The following MFSD6 variants were observed in gnomAD, a reference collection of about 807,000 sequenced individuals.
The protein encoded by MFSD6 is major facilitator superfamily domain-containing protein 6.
Under a neutral mutation model 56.3 loss-of-function variants are expected in MFSD6, and 26 were observed. The ratio of observed to expected loss-of-function variants is 0.46; its 90% confidence interval spans 0.34 to 0.64. The LOEUF (loss-of-function observed/expected upper bound fraction) is 0.64, where lower values mean the gene tolerates loss of function less well. Ranked by LOEUF, MFSD6 falls within the 30% of genes least tolerant of loss-of-function variation. The probability of loss-of-function intolerance (pLI) is 0.01; values close to 1 mark genes in which losing one functional copy is unlikely to be tolerated. For missense variants in MFSD6, 750 were observed against 986.2 expected (o/e 0.76, Z 3.21); for synonymous variants, 331 against 366.9 (o/e 0.90, Z 1.12).
chr2:190,412,000 T>A, intron 1 of MFSD6: 1 of 985,216 alleles, frequency 1.0e-6, no homozygotes, highest in Non-Finnish European at 1.2e-6. Context: ...TGTCATCTCA[T>A]GAAATTATGG....
Position 190,490,018 on chromosome 2 carries a change from A to G in MFSD6, c.1891+152A>G, listed in dbSNP as rs1430431314. The G allele has an allele frequency of 3.3e-6, 2 of 602,928 alleles. No homozygotes were observed. The highest frequency in any genetic ancestry group is 2.8e-6 in the Non-Finnish European group (1 of 352,340). 37.3% of individuals were successfully genotyped at this position (602,928 alleles called of 1,614,324 possible). On this transcript the variant is annotated intron_variant, in intron 6 of 7. Coordinates refer to ENST00000392328, the MANE Select transcript of MFSD6 (RefSeq NM_017694.4). The surrounding 1 kb of genome is among the most constrained non-coding windows in gnomAD (Gnocchi z 4.5). ...GCGTATCGATGAATTCATGTGGACT[A>G]TTGTTAAAGAGATCCACCTACTATG...
chr2:190,483,578 C>T (rs765010761), intron 4 of MFSD6, among the ~76,000 whole-genome samples: 3 of 151,988 alleles, frequency 2.0e-5, no homozygotes, highest in Non-Finnish European at 4.4e-5. Context: ...GGCTCACGCC[C>T]GTAATCCCAG....
At position 190,463,220 on chromosome 2, in the gene MFSD6, T is replaced by G. The variant is rs1330799494; in HGVS notation, c.1533-6538T>G. 6.6e-6 allele frequency among the ~76,000 whole-genome samples: 1 copy of G among 152,216 alleles called. No homozygotes were observed. The highest frequency in any genetic ancestry group is 2.4e-5 in the African/African-American group (1 of 41,440). ...GAAAACAAATTTTCTAGACTAAGAT[T>G]TAATTCTTTCAAGGCCTATCCTTTA... On this transcript the variant is annotated intron_variant, in intron 3 of 7. Coordinates refer to ENST00000392328, the MANE Select transcript of MFSD6 (RefSeq NM_017694.4). This position sits in a 1 kb window ranked among gnomAD's most constrained non-coding sequence, Gnocchi z 4.4.
chr2:190,437,670 A>G lies in MFSD6; in HGVS notation c.1532+109A>G. The G allele has an allele frequency of 7.6e-7, 1 of 1,316,374 alleles. No individual in the cohort carries two copies. The highest frequency in any genetic ancestry group is 1.5e-5 in the South Asian group (1 of 65,162). 81.5% of individuals were successfully genotyped at this position (1,316,374 alleles called of 1,614,324 possible). On this transcript the variant is annotated intron_variant, in intron 3 of 7. Transcript: ENST00000392328. This position sits in a 1 kb window ranked among gnomAD's most constrained non-coding sequence, Gnocchi z 5.9. ...AGGTATTATAATTTGTGTTGAGGATAGGGTTGGAGTGGAAATGGGGATTTC... is the reference window on the plus strand; with the variant it reads ...AGGTATTATAATTTGTGTTGAGGATGGGGTTGGAGTGGAAATGGGGATTTC...
At chr2:190,472,250 G>A (rs1002994822) in intron 4 of MFSD6, among the ~76,000 whole-genome samples, 2 of 152,220 alleles carry the variant, frequency 1.3e-5, no homozygotes, top group South Asian at 4.1e-4. Flanking sequence ...GAATGACTTT[G>A]ATGAGTTGAG....
Position 190,467,923 on chromosome 2 carries a change from A to G in MFSD6, c.1533-1835A>G, listed in dbSNP as rs1574175204. On this transcript the variant is annotated intron_variant, in intron 3 of 7. Coordinates refer to ENST00000392328, the MANE Select transcript of MFSD6 (RefSeq NM_017694.4). This position sits in a 1 kb window ranked among gnomAD's most constrained non-coding sequence, Gnocchi z 5.5. Reference sequence around the variant, plus strand: ...GAGCTGAGGAGCTGCAACAGAGACCATGTAGCTCGTGAAGCCTAAACTGTT... The same window carrying G: ...GAGCTGAGGAGCTGCAACAGAGACCGTGTAGCTCGTGAAGCCTAAACTGTT... Among the ~76,000 whole-genome samples, 2 of 152,334 alleles carry G rather than the reference A, an allele frequency of 1.3e-5. No homozygotes were observed. Among genetic ancestry groups the G allele is most frequent in the East Asian group, 3.9e-4 (2 of 5,190 alleles).
chr2:190,412,769 C>A lies in MFSD6; in HGVS notation c.-175-2523C>A. On this transcript the variant is annotated intron_variant, in intron 1 of 7. Transcript: ENST00000392328. This position sits in a 1 kb window ranked among gnomAD's most constrained non-coding sequence, Gnocchi z 4.1. ...TTGTTTTCCTAAATTCTGAATGATA[C>A]GTTATCCAGTACTTAGCCCCACTGC... 3.9e-6 allele frequency: 1 copy of A among 257,936 alleles called. No individual in the cohort carries two copies. The highest frequency in any genetic ancestry group is 6.1e-6 in the Non-Finnish European group (1 of 164,808). The allele number at this position is 257,936 out of a possible 1,614,324, so 16.0% of individuals were successfully genotyped here.
chr2:190,443,452 T>G lies in MFSD6; in HGVS notation c.1532+5891T>G, dbSNP rs1402441785. Reference sequence around the variant, plus strand: ...ATTAGGAGTTCAGCTTATTTTACTTTTTTTCTGTCAGTCTGATATATTATG... The same window carrying G: ...ATTAGGAGTTCAGCTTATTTTACTTGTTTTCTGTCAGTCTGATATATTATG... On this transcript the variant is annotated intron_variant, in intron 3 of 7. Coordinates refer to ENST00000392328, the MANE Select transcript of MFSD6 (RefSeq NM_017694.4). The surrounding 1 kb of genome is among the most constrained non-coding windows in gnomAD (Gnocchi z 4.2). 1.3e-5 allele frequency among the ~76,000 whole-genome samples: 2 copies of G among 152,214 alleles called. No homozygotes were observed. Among genetic ancestry groups the G allele is most frequent in the East Asian group, 1.9e-4 (1 of 5,202 alleles).
In MFSD6 at chr2:190,436,787, G is replaced by A; in HGVS notation, c.758G>A (p.Gly253Glu). The change falls in exon 3 of 8, where the codon GGA becomes GAA. Residue 253 changes from glycine (G) to glutamate (E), a missense_variant. By Grantham distance (98) the Gly-to-Glu change is moderately conservative. Around this residue, in one of 5 missense-constraint regions of MFSD6, gnomAD observed 376 missense variants for 437.9 expected, o/e 0.86. Coordinates refer to ENST00000392328, the MANE Select transcript of MFSD6 (RefSeq NM_017694.4). This position sits in a 1 kb window ranked among gnomAD's most constrained non-coding sequence, Gnocchi z 5.3. ...AGCACAGCAACCCCTGTCTCCCCAG[G>A]AAGCGTAACCAAGGAGACAACCACT... ...NSSTATPVSP[G>E]SVTKETTTVI... The A allele has an allele frequency of 6.2e-7, 1 of 1,614,152 alleles. No individual in the cohort carries two copies. Among genetic ancestry groups the A allele is most frequent in the South Asian group, 1.1e-5 (1 of 91,076 alleles).
rs957527403 is a variant in MFSD6 at position 190,469,273 on chromosome 2, G to T, written c.1533-485G>T. 2.0e-5 allele frequency among the ~76,000 whole-genome samples: 3 copies of T among 152,040 alleles called. No homozygotes were observed. The highest frequency in any genetic ancestry group is 7.2e-5 in the African/African-American group (3 of 41,400). On this transcript the variant is annotated intron_variant, in intron 3 of 7. Coordinates refer to ENST00000392328, the MANE Select transcript of MFSD6 (RefSeq NM_017694.4). This position sits in a 1 kb window ranked among gnomAD's most constrained non-coding sequence, Gnocchi z 5.3. ...CAGAGTCTCCTTGTGAAACTGCTTG[G>T]TATCTTGGGTATTATGAGCAAGGCC... is the stretch of plus-strand genomic sequence containing the variant.
In MFSD6 at chr2:190,490,485, C is replaced by T. The variant is rs1233708546; in HGVS notation, c.1891+619C>T. ...GGCTGAGGCAGGAGAATGGCGTGAACCCAGGAGGTGGAGCTTGCAGTGAGC... is the reference window on the plus strand; with the variant it reads ...GGCTGAGGCAGGAGAATGGCGTGAATCCAGGAGGTGGAGCTTGCAGTGAGC... On this transcript the variant is annotated intron_variant, in intron 6 of 7. Coordinates refer to ENST00000392328, the MANE Select transcript of MFSD6 (RefSeq NM_017694.4). The surrounding 1 kb of genome is among the most constrained non-coding windows in gnomAD (Gnocchi z 4.5). 6.6e-6 allele frequency among the ~76,000 whole-genome samples: 1 copy of T among 151,960 alleles called. No individual in the cohort carries two copies. Among genetic ancestry groups the T allele is most frequent in the Non-Finnish European group, 1.5e-5 (1 of 67,982 alleles).
At chr2:190,408,678 G>A (rs1690413059) in intron 1 of MFSD6, among the ~76,000 whole-genome samples, 175 bp downstream of exon 1, 1 of 148,650 alleles carries the variant, frequency 6.7e-6, no homozygotes, top group Non-Finnish European at 1.5e-5. Context: ...CTCCGCTCGG[G>A]CCTCGCTCGC....
chr2:190,484,076 C>T (rs1688870061), intron 4 of MFSD6, among the ~76,000 whole-genome samples: 1 of 152,058 alleles, frequency 6.6e-6, no homozygotes, highest in South Asian at 2.1e-4. Context: ...GTCATTCATT[C>T]TCAATCAATA....
At chr2:190,429,538 G>A (rs1685895936) in intron 2 of MFSD6, among the ~76,000 whole-genome samples, 4 of 152,020 alleles carry the variant, frequency 2.6e-5, no homozygotes, top group South Asian at 2.1e-4. Flanking sequence ...ATGTTGGCCA[G>A]CCTGGTTTCG....
chr2:190,450,567 A>G (rs1004422832), intron 3 of MFSD6, among the ~76,000 whole-genome samples: 1 of 129,356 alleles, frequency 7.7e-6, no homozygotes, highest in Admixed American at 1.0e-4. Flanking sequence ...ATCTCAGCTC[A>G]CTGCAGCCTC....
intron 2 of MFSD6, among the ~76,000 whole-genome samples, chr2:190,421,211 G>T (rs1685601882): frequency 6.6e-6 from 1 of 152,142 alleles, no homozygotes; most frequent in Non-Finnish European, 1.5e-5. Context: ...CCATTAAAGA[G>T]GACTTTGTGT....
rs1321253563 is a variant in MFSD6, at chr2:190,433,800, TAGA to T, written c.-53-2174_-53-2172del. 1.3e-5 allele frequency among the ~76,000 whole-genome samples: 2 copies of T among 152,192 alleles called. No individual in the cohort carries two copies. Among genetic ancestry groups the T allele is most frequent in the Admixed American group, 6.5e-5 (1 of 15,280 alleles). On this transcript the variant is annotated intron_variant, in intron 2 of 7. Coordinates refer to ENST00000392328, the MANE Select transcript of MFSD6 (RefSeq NM_017694.4). The surrounding 1 kb of genome is among the most constrained non-coding windows in gnomAD (Gnocchi z 4.5). Reference sequence around the variant, plus strand: ...TAAAAAATGCTTACAAGTATAATTTTAGAAGGTTTTTCAGAATGTTATTCATTT... The same window carrying T: ...TAAAAAATGCTTACAAGTATAATTTTAGGTTTTTCAGAATGTTATTCATTT...
At position 190,467,494 on chromosome 2, in the gene MFSD6, T is replaced by A. The variant is rs1687664416; in HGVS notation, c.1533-2264T>A. 6.6e-6 allele frequency among the ~76,000 whole-genome samples: 1 copy of A among 152,168 alleles called. No individual in the cohort carries two copies. The highest frequency in any genetic ancestry group is 6.5e-5 in the Admixed American group (1 of 15,276). On this transcript the variant is annotated intron_variant, in intron 3 of 7. Transcript: ENST00000392328. This position sits in a 1 kb window ranked among gnomAD's most constrained non-coding sequence, Gnocchi z 5.5. Reference sequence around the variant, plus strand: ...CAGGCATGGTGGCACATTCCTGTAATCCCAGCTAGTCAGGAGGCTGAGGCG... The same window carrying A: ...CAGGCATGGTGGCACATTCCTGTAAACCCAGCTAGTCAGGAGGCTGAGGCG...
chr2:190,468,651 T>C (rs1180113804), intron 3 of MFSD6, among the ~76,000 whole-genome samples: 2 of 148,916 alleles, frequency 1.3e-5, no homozygotes, highest in African/African-American at 5.0e-5. Flanking sequence ...TAGAGACAGG[T>C]TCTCACTATG....
Sources: allele counts gnomAD v4.1 joint callset (sites outside exome capture counted in the v4.1 genomes callset), GRCh38; gene constraint gnomAD v4.1.1; regional missense constraint gnomAD v4.1.1; non-coding constraint Gnocchi (gnomAD v3.1); transcripts MANE v1.5; gene names NCBI Gene and HGNC (gene_info 2026-07-23, HGNC 2026-07-21).